The following SLC39A10 variants were observed in gnomAD, a reference collection of about 807,000 sequenced individuals.
SLC39A10 encodes the protein zinc transporter ZIP10.
In SLC39A10, 13 loss-of-function variants were observed where a neutral mutation model predicts 65.1. That is an observed-to-expected ratio of 0.20 (90% CI 0.13 to 0.32). SLC39A10 has a LOEUF of 0.32. Ranked by LOEUF, SLC39A10 falls within the 10% of genes least tolerant of loss-of-function variation. The pLI is 1.00. For missense variants in SLC39A10, 831 were observed against 1,018.4 expected, an observed-to-expected ratio of 0.82 and a Z score of 2.50; for synonymous variants, 321 against 342.2, an observed-to-expected ratio of 0.94 and a Z score of 0.68.
chr2:195,706,882 TTG>T, intron 4 of SLC39A10, 97 bp downstream of exon 4: 1 of 806,756 alleles, frequency 1.2e-6, no homozygotes, highest in Non-Finnish European at 1.7e-6. Context: ...AATCTAGTAT[TTG>T]TATTGTTTTA....
At position 195,728,116 on chromosome 2, in the gene SLC39A10, A is replaced by G; in HGVS notation, c.2147-43A>G. On this transcript the variant is annotated intron_variant, in intron 8 of 9. Transcript: ENST00000359634. This position sits in a 1 kb window ranked among gnomAD's most constrained non-coding sequence, Gnocchi z 4.4. ...TTTCTCCTTTCAGATTTGTGTTTTA[A>G]ATCCTGTGGTTTTAAAACATTCCCA... 1 of 1,549,450 alleles carries G rather than the reference A, an allele frequency of 6.5e-7. No individual in the cohort carries two copies. Among genetic ancestry groups the G allele is most frequent in the Non-Finnish European group, 8.8e-7 (1 of 1,136,426 alleles).
chr2:195,615,125 T>G (rs1017030134), intron 2 of SLC39A10, among the ~76,000 whole-genome samples: 10 of 151,980 alleles, frequency 6.6e-5, no homozygotes, highest in African/African-American at 2.2e-4. Flanking sequence ...AGATACTGGG[T>G]AGTGAATGTT....
rs1278872588 is a variant in SLC39A10 at position 195,713,950 on chromosome 2, A to G, written c.1696+397A>G. On this transcript the variant is annotated intron_variant, in intron 6 of 9. Coordinates refer to ENST00000359634, the MANE Select transcript of SLC39A10 (RefSeq NM_020342.3). ...CAAAGACTTTTTTTTTTTTTGAGAC[A>G]GAGTCTCACTCTGTCGCCCAGGCTG... Among the ~76,000 whole-genome samples the G allele has an allele frequency of 5.3e-5, 8 of 151,762 alleles. No individual in the cohort carries two copies. In the South Asian group the frequency reaches 1.7e-3, roughly 32 times the overall value.
intron 5 of SLC39A10, among the ~76,000 whole-genome samples, chr2:195,709,172 A>G (rs977360967): frequency 3.3e-5 from 5 of 151,752 alleles, no homozygotes; most frequent in African/African-American, 1.2e-4. Context: ...CCATAGGCAC[A>G]TGCCACCATG....
chr2:195,614,685 C>G (rs1028632649), intron 2 of SLC39A10, among the ~76,000 whole-genome samples: 4 of 152,186 alleles, frequency 2.6e-5, no homozygotes, highest in Non-Finnish European at 5.9e-5. Context: ...TTCTCCCCCA[C>G]AAACTGGGAA....
At chr2:195,636,578 A>C (rs12465452) in intron 2 of SLC39A10, among the ~76,000 whole-genome samples, 41,627 of 151,610 alleles carry the variant, frequency 0.27, 6,759 homozygotes, top group East Asian at 0.66. Context: ...GGTGAAACCC[A>C]GTCTCTACTA....
chr2:195,728,421 C>A lies in SLC39A10; in HGVS notation c.2337+72C>A. 1 of 1,385,974 alleles carries A rather than the reference C, an allele frequency of 7.2e-7. No homozygotes were observed. Among genetic ancestry groups the A allele is most frequent in the Non-Finnish European group, 9.9e-7 (1 of 1,013,278 alleles). 85.9% of individuals were successfully genotyped at this position (1,385,974 alleles called of 1,614,324 possible). A position where few individuals can be genotyped will look rare whatever the true frequency, so the allele number is the denominator to read the frequency against. On this transcript the variant is annotated intron_variant, in intron 9 of 9. Coordinates refer to ENST00000359634, the MANE Select transcript of SLC39A10 (RefSeq NM_020342.3). This position sits in a 1 kb window ranked among gnomAD's most constrained non-coding sequence, Gnocchi z 4.4. ...GAAATCCTTGGAAGTGGTTTGAAGC[C>A]AAACTATTTTTGAAAATATAACTCA... is the stretch of plus-strand genomic sequence containing the variant.
intron 1 of SLC39A10, among the ~76,000 whole-genome samples, chr2:195,669,142 A>T (rs369501185): frequency 2.0e-5 from 3 of 151,572 alleles, no homozygotes; most frequent in African/African-American, 7.3e-5. Flanking sequence ...TTATTTTAGT[A>T]TTTATCTGCT....
chr2:195,648,951 G>C (rs1398953446), intron 2 of SLC39A10, among the ~76,000 whole-genome samples: 3 of 152,174 alleles, frequency 2.0e-5, no homozygotes, highest in Non-Finnish European at 4.4e-5. Flanking sequence ...TAAATGCTTA[G>C]AGAAAGCAAC....
Position 195,737,174 on chromosome 2 carries a change from G to A in SLC39A10, c.*2133G>A, listed in dbSNP as rs1157021998. 1 of 152,606 alleles carries A rather than the reference G, an allele frequency of 6.6e-6. No individual in the cohort carries two copies. Among genetic ancestry groups the A allele is most frequent in the Admixed American group, 6.5e-5 (1 of 15,278 alleles). 9.5% of individuals were successfully genotyped at this position (152,606 alleles called of 1,614,324 possible). ...AAGAGGGCTGTAACAGTTGCTGCTA[G>A]TATTAGGGTTCCACATCATTCTAAT... On this transcript the variant is annotated 3_prime_UTR_variant, in exon 10 of 10. Coordinates refer to ENST00000359634, the MANE Select transcript of SLC39A10 (RefSeq NM_020342.3).
At chr2:195,622,228 TGGTGGTGAG>T in intron 2 of SLC39A10, among the ~76,000 whole-genome samples, 2 of 151,978 alleles carry the variant, frequency 1.3e-5, no homozygotes, top group Admixed American at 6.6e-5. Flanking sequence ...TAGTTGGGCA[TGGTGGTGAG>T]TGCCTGTAGT....
chr2:195,716,170 T>C (rs941931375), intron 6 of SLC39A10, among the ~76,000 whole-genome samples: 3 of 152,230 alleles, frequency 2.0e-5, no homozygotes, highest in African/African-American at 7.2e-5. Context: ...ATCATTATTG[T>C]AGCTTCTAAT....
At chr2:195,646,662 C>T (rs967488775) in intron 2 of SLC39A10, among the ~76,000 whole-genome samples, 1 of 143,322 alleles carries the variant, frequency 7.0e-6, no homozygotes, top group African/African-American at 2.6e-5. Context: ...CCGGTAAGGC[C>T]GGTAGGGCCT....
At chr2:195,640,780 A>C (rs937696889) in intron 2 of SLC39A10, among the ~76,000 whole-genome samples, 1 of 152,240 alleles carries the variant, frequency 6.6e-6, no homozygotes, top group South Asian at 2.1e-4. Context: ...TTCTCTGATC[A>C]TTTCCTCAAA....
intron 9 of SLC39A10, among the ~76,000 whole-genome samples, chr2:195,729,753 G>A (rs75753330): frequency 0.012 from 1,769 of 151,986 alleles, 17 homozygotes; most frequent in Middle Eastern, 0.017. Flanking sequence ...TTCCCCTTTA[G>A]CTATCACCCT....
chr2:195,733,668 T>A (rs1437728349), intron 9 of SLC39A10, among the ~76,000 whole-genome samples: 1 of 151,812 alleles, frequency 6.6e-6, no homozygotes, highest in African/African-American at 2.4e-5. Context: ...GTAGCTGGGA[T>A]TACAGGCATG....
At chr2:195,707,913 T>C (rs532491543) in intron 4 of SLC39A10, among the ~76,000 whole-genome samples, 4 of 152,326 alleles carry the variant, frequency 2.6e-5, no homozygotes, top group Admixed American at 2.0e-4. Flanking sequence ...AGTGCAGTTA[T>C]CTAACTTATG....
chr2:195,736,649 C>G lies in SLC39A10; in HGVS notation c.*1608C>G, dbSNP rs765364493. ...TTATTGCCAGTGTCTTTTCTGTATGCTATAAGCAAGGGAGCTTAGGTGTTA... is the reference window on the plus strand; with the variant it reads ...TTATTGCCAGTGTCTTTTCTGTATGGTATAAGCAAGGGAGCTTAGGTGTTA... On this transcript the variant is annotated 3_prime_UTR_variant, in exon 10 of 10. Transcript: ENST00000359634. 7.9e-5 allele frequency: 12 copies of G among 152,148 alleles called. No individual in the cohort carries two copies. Among genetic ancestry groups the G allele is most frequent in the African/African-American group, 1.7e-4 (7 of 41,426 alleles). 9.4% of individuals were successfully genotyped at this position (152,148 alleles called of 1,614,324 possible). A position where few individuals can be genotyped will look rare whatever the true frequency, so the allele number is the denominator to read the frequency against.
chr2:195,694,401 A>G (rs1431800037), intron 3 of SLC39A10, among the ~76,000 whole-genome samples: 1 of 152,142 alleles, frequency 6.6e-6, no homozygotes, highest in Non-Finnish European at 1.5e-5. Context: ...GTGGAGTATT[A>G]AAGTCAAAAC....
Sources: allele counts gnomAD v4.1 joint callset (sites outside exome capture counted in the v4.1 genomes callset), GRCh38; gene constraint gnomAD v4.1.1; non-coding constraint Gnocchi (gnomAD v3.1); transcripts MANE v1.5; gene names NCBI Gene and HGNC (gene_info 2026-07-23, HGNC 2026-07-21).